The following MAP3K5 variants were observed in gnomAD, a reference collection of about 807,000 sequenced individuals.
The protein encoded by MAP3K5 is mitogen-activated protein kinase kinase kinase 5.
Under a neutral mutation model 158.7 loss-of-function variants are expected in MAP3K5, and 56 were observed. The ratio of observed to expected loss-of-function variants is 0.35; its 90% confidence interval spans 0.28 to 0.44. The LOEUF is 0.44. MAP3K5 is among the 20% of genes least tolerant of loss of function. The pLI is 1.00. For missense variants in MAP3K5, 1,294 were observed against 1,674.8 expected (o/e 0.77, Z 3.97); for synonymous variants, 579 against 601.7 (o/e 0.96, Z 0.55).
chr6:136,685,148 G>GC (rs1780093099), intron 7 of MAP3K5, among the ~76,000 whole-genome samples: 2 of 136,378 alleles, frequency 1.5e-5, no homozygotes, highest in Admixed American at 6.8e-5. Context: ...CCTTGTCTCT[G>GC]CAAAAAAAAA....
chr6:136,694,954 T>C (rs1430841713), intron 6 of MAP3K5, among the ~76,000 whole-genome samples: 1 of 152,090 alleles, frequency 6.6e-6, no homozygotes, highest in Non-Finnish European at 1.5e-5. Flanking sequence ...AGGGACCACA[T>C]ACTGTATGAT....
At chr6:136,714,017 C>A (rs1399787666) in intron 2 of MAP3K5, among the ~76,000 whole-genome samples, 4 of 152,136 alleles carry the variant, frequency 2.6e-5, no homozygotes, top group Admixed American at 1.3e-4. Flanking sequence ...AGCAAAAATT[C>A]TTTGTTAAAC....
intron 1 of MAP3K5, among the ~76,000 whole-genome samples, chr6:136,732,523 TCTC>T (rs760427046): frequency 3.7e-4 from 56 of 152,142 alleles, no homozygotes; most frequent in Non-Finnish European, 7.2e-4. Context: ...AGAACACCGA[TCTC>T]CTCCTTCACT....
chr6:136,667,783 C>T (rs903223770), intron 8 of MAP3K5, among the ~76,000 whole-genome samples: 4 of 150,808 alleles, frequency 2.7e-5, no homozygotes, highest in African/African-American at 4.9e-5. Context: ...TCTTGGGGGT[C>T]GAGGCTGCAG....
At chr6:136,769,806 AG>A (rs1562691213) in intron 1 of MAP3K5, among the ~76,000 whole-genome samples, 2 of 42,866 alleles carry the variant, frequency 4.7e-5, no homozygotes, top group Non-Finnish European at 8.5e-5. Context: ...GGAGGGAGGG[AG>A]GGAGGGGACG....
chr6:136,785,819 A>G (rs1784820079), intron 1 of MAP3K5, among the ~76,000 whole-genome samples: 1 of 152,154 alleles, frequency 6.6e-6, no homozygotes, highest in Admixed American at 6.6e-5. Context: ...CTGCTCTAAT[A>G]CAAGAAAAGT....
intron 20 of MAP3K5, among the ~76,000 whole-genome samples, chr6:136,601,417 A>G (rs1247935372): frequency 1.3e-5 from 2 of 152,160 alleles, no homozygotes; most frequent in African/African-American, 2.4e-5. Context: ...TATTACCTAC[A>G]GGGCTTGGAA....
intron 20 of MAP3K5, 84 bp downstream of exon 20, chr6:136,601,713 CAGGTT>C: frequency 8.7e-7 from 1 of 1,146,006 alleles, no homozygotes; most frequent in Non-Finnish European, 1.3e-6. Context: ...TATCTGTAAA[CAGGTT>C]AGTTTACTTC....
At chr6:136,709,147 G>A (rs987782763) in intron 2 of MAP3K5, among the ~76,000 whole-genome samples, 1 of 152,140 alleles carries the variant, frequency 6.6e-6, no homozygotes, top group East Asian at 1.9e-4. Context: ...CCTACATCAT[G>A]ACTTCCTCGC....
intron 21 of MAP3K5, among the ~76,000 whole-genome samples, chr6:136,593,975 C>A (rs540972241): frequency 1.3e-5 from 2 of 152,236 alleles, no homozygotes; most frequent in African/African-American, 4.8e-5. Context: ...CTTTCAGGAA[C>A]AGCTGACCTC....
intron 1 of MAP3K5, among the ~76,000 whole-genome samples, chr6:136,738,604 C>A (rs915439135): frequency 1.3e-5 from 2 of 152,166 alleles, no homozygotes; most frequent in African/African-American, 2.4e-5. Flanking sequence ...GCACAAAATG[C>A]AGATCTGGCA....
At chr6:136,681,056 C>T (rs907019790) in intron 7 of MAP3K5, among the ~76,000 whole-genome samples, 10 of 152,174 alleles carry the variant, frequency 6.6e-5, no homozygotes, top group South Asian at 6.2e-4. Flanking sequence ...GATGGAACCA[C>T]GAAAGCAGAA....
intron 1 of MAP3K5, among the ~76,000 whole-genome samples, chr6:136,722,851 T>G (rs938227069): frequency 5.3e-5 from 8 of 151,892 alleles, no homozygotes; most frequent in African/African-American, 1.9e-4. Flanking sequence ...CATGCCTGGC[T>G]AATTTTTTAA....
chr6:136,616,004 A>G (rs1156826166), intron 15 of MAP3K5, among the ~76,000 whole-genome samples: 1 of 152,240 alleles, frequency 6.6e-6, no homozygotes, highest in African/African-American at 2.4e-5. Context: ...TCCAGAAAGC[A>G]GCCAACAGCA....
chr6:136,739,428 G>C (rs1582618642), intron 1 of MAP3K5, among the ~76,000 whole-genome samples: 1 of 152,186 alleles, frequency 6.6e-6, no homozygotes, highest in Non-Finnish European at 1.5e-5. Flanking sequence ...GCCACGACTA[G>C]AGAGTGGGCC....
intron 7 of MAP3K5, among the ~76,000 whole-genome samples, chr6:136,675,840 A>G (rs1779680918): frequency 6.6e-6 from 1 of 152,206 alleles, no homozygotes; most frequent in Admixed American, 6.5e-5. Context: ...AAAAATTAAT[A>G]AAGTTGATAA....
chr6:136,616,722 A>G (rs1368013234), intron 15 of MAP3K5, among the ~76,000 whole-genome samples: 1 of 151,850 alleles, frequency 6.6e-6, no homozygotes, highest in Non-Finnish European at 1.5e-5. Context: ...GATGATGATG[A>G]TGATGATGGT....
At chr6:136,756,472 A>C (rs903347523) in intron 1 of MAP3K5, among the ~76,000 whole-genome samples, 5 of 152,144 alleles carry the variant, frequency 3.3e-5, no homozygotes, top group African/African-American at 9.7e-5. Flanking sequence ...TTGTTGAGAC[A>C]GTCTCTCTCA....
intron 1 of MAP3K5, among the ~76,000 whole-genome samples, chr6:136,770,909 A>G (rs1247518954): frequency 6.6e-6 from 1 of 152,226 alleles, no homozygotes; most frequent in Non-Finnish European, 1.5e-5. Flanking sequence ...GAAAAATATA[A>G]TAAATTTTTA....
Sources: gnomAD v4.1 joint callset for allele counts (sites outside exome capture counted in the v4.1 genomes callset) on GRCh38, gnomAD v4.1.1 for gene constraint, MANE v1.5 for transcripts, NCBI Gene and HGNC (gene_info 2026-07-23, HGNC 2026-07-21) for gene names.